BCLAF3: variants seen among roughly 807,000 people sequenced by gnomAD.
BCLAF3 encodes the protein BCLAF1 and THRAP3 family member 3.
A neutral mutation model predicts 51.2 loss-of-function variants in BCLAF3; 24 were observed. The ratio of observed to expected loss-of-function variants is 0.47; its 90% CI spans 0.34 to 0.66. BCLAF3 has a LOEUF of 0.66. Ranked by LOEUF, BCLAF3 falls within the 30% of genes least tolerant of loss-of-function variation. BCLAF3 has a pLI of 0.01. For synonymous variants in BCLAF3, 152 were observed against 176.6 expected (o/e 0.86, Z 1.10); for missense variants, 465 against 525.1 (o/e 0.89, Z 1.12).
chrX:19,984,811 G>A (rs957174140), intron 1 of BCLAF3, among the ~76,000 whole-genome samples: 3 of 109,898 alleles, frequency 2.7e-5, no homozygotes, highest in African/African-American at 1.0e-4. Context: ...TCAGCCTCCC[G>A]AGTAGCTGGG....
chrX:19,970,280 C>T lies in BCLAF3; in HGVS notation c.-16G>A. On this transcript the variant is annotated 5_prime_UTR_variant, in exon 2 of 12. Transcript: ENST00000379682. ...ACCGTGCCATCCTTTGACACGTGAG[C>T]CACTATCCACTTTTTACACTGCAAA... The T allele has an allele frequency of 8.3e-7, 1 of 1,210,909 alleles. No individual in the cohort carries two copies. Among genetic ancestry groups the T allele is most frequent in the South Asian group, 1.8e-5 (1 of 56,942 alleles).
At chrX:19,953,178 C>A (rs2071549389) in intron 6 of BCLAF3, 127 bp from the exon 7 acceptor site, 1 of 510,904 alleles carries the variant, frequency 2.0e-6, no homozygotes, top group Admixed American at 4.1e-5. Context: ...AAACTTGCTA[C>A]CAGATAGTTT....
intron 7 of BCLAF3, among the ~76,000 whole-genome samples, chrX:19,951,623 A>G (rs1278688450): frequency 9.8e-6 from 1 of 102,551 alleles, no homozygotes; most frequent in Non-Finnish European, 2.0e-5. Flanking sequence ...AACAAACAAA[A>G]AAGTTAATTA....
intron 1 of BCLAF3, among the ~76,000 whole-genome samples, chrX:19,990,216 G>T (rs960277209): frequency 9.1e-6 from 1 of 110,020 alleles, no homozygotes; most frequent in Admixed American, 9.6e-5. Flanking sequence ...AAATATTTAC[G>T]GGGTAGGTTT....
intron 8 of BCLAF3, 81 bp from the exon 9 acceptor site, chrX:19,937,613 A>C (rs1286171009): frequency 4.5e-5 from 23 of 516,634 alleles, no homozygotes; most frequent in Non-Finnish European, 7.0e-5. Flanking sequence ...AATTTTAAAA[A>C]GCCCCTTCAG....
intron 1 of BCLAF3, among the ~76,000 whole-genome samples, chrX:19,989,950 G>A (rs1402204716): frequency 9.0e-6 from 1 of 110,586 alleles, no homozygotes; most frequent in African/African-American, 3.3e-5. Context: ...ATAAAACATT[G>A]CTATACCATT....
At chrX:19,924,869 T>C (rs1025679789) in intron 11 of BCLAF3, among the ~76,000 whole-genome samples, 2 of 111,411 alleles carry the variant, frequency 1.8e-5, no homozygotes, top group Non-Finnish European at 3.8e-5. Flanking sequence ...AAACTTTCTA[T>C]GGTGAGCAGA....
intron 1 of BCLAF3, among the ~76,000 whole-genome samples, chrX:19,974,385 A>T (rs964396838): frequency 9.0e-6 from 1 of 111,304 alleles, no homozygotes; most frequent in Non-Finnish European, 1.9e-5. Context: ...GCTGGGCCCT[A>T]CCCCTGGGGT....
intron 2 of BCLAF3, among the ~76,000 whole-genome samples, chrX:19,969,738 C>A (rs1188186877): frequency 9.0e-6 from 1 of 111,204 alleles, no homozygotes; most frequent in Non-Finnish European, 1.9e-5. Context: ...AGCAGGTGTA[C>A]AATAAAGACT....
chrX:19,933,810 G>A (rs1046364272), intron 10 of BCLAF3, among the ~76,000 whole-genome samples: 3 of 109,841 alleles, frequency 2.7e-5, no homozygotes, highest in African/African-American at 9.9e-5. Context: ...TCACTGTGTC[G>A]CCCAGGCTTG....
chrX:19,952,700 C>T (rs1194743431), intron 7 of BCLAF3, among the ~76,000 whole-genome samples: 2 of 111,419 alleles, frequency 1.8e-5, no homozygotes, highest in Admixed American at 9.5e-5. Context: ...CTTTACAGTG[C>T]GGATTTTGGG....
At chrX:19,982,549 T>TCACACACA (rs60433883) in intron 1 of BCLAF3, among the ~76,000 whole-genome samples, 2 of 97,174 alleles carry the variant, frequency 2.1e-5, no homozygotes, top group Non-Finnish European at 4.2e-5. Flanking sequence ...AGATGCAATT[T>TCACACACA]CACACACACA....
intron 4 of BCLAF3, among the ~76,000 whole-genome samples, chrX:19,956,089 A>G (rs1603320549): frequency 8.9e-6 from 1 of 112,151 alleles, no homozygotes; most frequent in Non-Finnish European, 1.9e-5. Flanking sequence ...TAACTTAATT[A>G]CAAAGTCTCA....
rs746205469 is a variant in BCLAF3 at position 19,976,114 on chromosome X, C to T, written c.-34-5816G>A. Among the ~76,000 whole-genome samples the T allele has an allele frequency of 1.0e-3, 113 of 111,934 alleles. 1 individual carries two copies. Among genetic ancestry groups the T allele is most frequent in the Middle Eastern group, 4.6e-3 (1 of 219 alleles). On this transcript the variant is annotated intron_variant, in intron 1 of 11. Transcript: ENST00000379682. ...CTAGCCTTGCATATCCAACAGCCCA[C>T]TGGATTCTGTAAACATGTCCATGAG...
intron 10 of BCLAF3, 74 bp downstream of exon 10, chrX:19,935,735 T>C: frequency 1.2e-6 from 1 of 832,912 alleles, no homozygotes; most frequent in Non-Finnish European, 1.8e-6. Flanking sequence ...AGCTCTTGAT[T>C]TACTAACACT....
chrX:19,917,140 T>C lies in BCLAF3; in HGVS notation c.*165A>G. ...TTGAATACTGTAATTTAAAAGCAAT[T>C]GTTAGGTGTAAAAAAGTTGCAGCAT... On this transcript the variant is annotated 3_prime_UTR_variant, in exon 12 of 12. Transcript: ENST00000379682. 2 of 495,896 alleles carry C rather than the reference T, an allele frequency of 4.0e-6. No homozygotes were observed. The highest frequency in any genetic ancestry group is 7.0e-5 in the Admixed American group (2 of 28,721). 40.9% of individuals were successfully genotyped at this position (495,896 alleles called of 1,213,427 possible).
rs1199567928 is a variant in BCLAF3, at chrX:19,937,468, T to A, written c.1810A>T (p.Thr604Ser). The change falls in exon 9 of 12, where the codon ACA becomes TCA. Residue 604 changes from threonine to serine, a missense_variant. Coordinates refer to ENST00000379682, the MANE Select transcript of BCLAF3 (RefSeq NM_001367774.2). ...CTAAAATTTGATTTTATAAAATGTGTGGGTTTTTGGAATCCATCAGTATGA... is the reference window on the plus strand; with the variant it reads ...CTAAAATTTGATTTTATAAAATGTGAGGGTTTTTGGAATCCATCAGTATGA... ...NVHTDGFQKPTHFIKSNFRKC... is the reference protein window; with the variant it reads ...NVHTDGFQKPSHFIKSNFRKC... 2.5e-6 allele frequency: 3 copies of A among 1,186,798 alleles called. No homozygotes were observed. The highest frequency in any genetic ancestry group is 2.3e-6 in the Non-Finnish European group (2 of 875,169).
intron 7 of BCLAF3, among the ~76,000 whole-genome samples, chrX:19,951,219 CTT>C (rs1826069276): frequency 9.1e-6 from 1 of 109,754 alleles, no homozygotes. Context: ...TCATGGTAAA[CTT>C]AAGTCAAAAG....
intron 11 of BCLAF3, among the ~76,000 whole-genome samples, chrX:19,923,793 G>T (rs2070259824): frequency 9.1e-6 from 1 of 110,023 alleles, no homozygotes; most frequent in African/African-American, 3.3e-5. Flanking sequence ...TATTTTTAAG[G>T]GTCTTTCATG....
Sources: allele counts gnomAD v4.1 joint callset (sites outside exome capture counted in the v4.1 genomes callset), GRCh38; gene constraint gnomAD v4.1.1; transcripts MANE v1.5; gene names NCBI Gene and HGNC (gene_info 2026-07-23, HGNC 2026-07-21).